Variants in TBC1D31 observed in about 807,000 individuals in gnomAD.
TBC1D31 encodes WD repeat domain 67.
TBC1D31 carries 99 observed loss-of-function variants against 132.9 expected under a neutral mutation model. That is an observed-to-expected ratio of 0.74 (90% CI 0.63 to 0.88). The LOEUF (loss-of-function observed/expected upper bound fraction) is 0.88, where lower values mean the gene tolerates loss of function less well. Among genes scored for constraint, TBC1D31 ranks in the 40% least tolerant of loss-of-function variants. TBC1D31 has a pLI of 0.00. For missense variants in TBC1D31, 1,134 were observed against 1,256.6 expected (o/e 0.90, Z 1.48); for synonymous variants, 385 against 419.4 (o/e 0.92, Z 1.00).
At chr8:123,103,424 C>G (rs1232679599) in intron 7 of TBC1D31, 1 of 134,836 alleles carries the variant, frequency 7.4e-6, no homozygotes, top group Non-Finnish European at 1.6e-5. Context: ...GCTAAACCTT[C>G]TTTTCTTTTT....
chr8:123,122,222 T>G (rs943302888), intron 11 of TBC1D31, among the ~76,000 whole-genome samples: 6 of 152,134 alleles, frequency 3.9e-5, no homozygotes, highest in Non-Finnish European at 5.9e-5. Flanking sequence ...AACTGAGACT[T>G]AGACAGATAC....
In TBC1D31 at chr8:123,082,833, A is replaced by G. The variant is rs1315934431; in HGVS notation, c.340+16A>G. On this transcript the variant is annotated intron_variant, in intron 3 of 21. Transcript: ENST00000287380. Reference sequence around the variant, plus strand: ...TTTGATACAGGTAAGAAGTTCTCCTATTTTTCTTTTGAAGCAGAGTAAAAT... The same window carrying G: ...TTTGATACAGGTAAGAAGTTCTCCTGTTTTTCTTTTGAAGCAGAGTAAAAT... 5.1e-6 allele frequency: 8 copies of G among 1,557,848 alleles called. No homozygotes were observed. The highest frequency in any genetic ancestry group is 4.4e-6 in the Non-Finnish European group (5 of 1,132,318).
At chr8:123,130,452 T>TTTAA (rs1820507671) in intron 16 of TBC1D31, 119 bp downstream of exon 16, 1 of 846,178 alleles carries the variant, frequency 1.2e-6, no homozygotes, top group Non-Finnish European at 1.7e-6. Context: ...AAATAGCCGC[T>TTTAA]TTAATTTTAT....
Position 123,082,767 on chromosome 8 carries a change from C to T in TBC1D31, c.290C>T (p.Ser97Phe). 1 of 1,613,428 alleles carries T rather than the reference C, an allele frequency of 6.2e-7. No homozygotes were observed. Among genetic ancestry groups the T allele is most frequent in the South Asian group, 1.1e-5 (1 of 91,086 alleles). Reference protein sequence around the residue: ...TALAFNLRRKSEFLVALADYS... With the variant: ...TALAFNLRRKFEFLVALADYS... Reference sequence around the variant, plus strand: ...CTGGCCTTTAATCTTCGTAGGAAATCTGAATTCCTTGTGGCATTAGCTGAT... The same window carrying T: ...CTGGCCTTTAATCTTCGTAGGAAATTTGAATTCCTTGTGGCATTAGCTGAT... Residue 97 changes from serine to phenylalanine, a missense_variant, in exon 3 of 22, where the codon TCT (serine) becomes TTT (phenylalanine). By Grantham distance (155) the Ser-to-Phe change is radical. Transcript: ENST00000287380.
chr8:123,161,279 G>A, the TBC1D31 span, among the ~76,000 whole-genome samples: 1 of 152,196 alleles, frequency 6.6e-6, no homozygotes, highest in South Asian at 2.1e-4. Context: ...CGTCAGCCGG[G>A]TCGGAGGTCA....
intron 16 of TBC1D31, among the ~76,000 whole-genome samples, chr8:123,131,116 C>A (rs1361294640): frequency 6.6e-6 from 1 of 151,522 alleles, no homozygotes; most frequent in African/African-American, 2.4e-5. Flanking sequence ...GTAATCCCAG[C>A]ACTTTGGGAG....
chr8:123,100,587 T>TAAG (rs1817299333), intron 6 of TBC1D31, among the ~76,000 whole-genome samples: 1 of 150,436 alleles, frequency 6.6e-6, no homozygotes, highest in African/African-American at 2.4e-5. Flanking sequence ...AAAACAATAA[T>TAAG]AATAATAATA....
chr8:123,162,319 T>C, the TBC1D31 span, among the ~76,000 whole-genome samples: 1 of 152,106 alleles, frequency 6.6e-6, no homozygotes, highest in Non-Finnish European at 1.5e-5. Context: ...TGTGTGTGTG[T>C]GTATGTGTGT....
intron 17 of TBC1D31, among the ~76,000 whole-genome samples, chr8:123,135,737 A>C (rs1214636067): frequency 6.6e-6 from 1 of 152,230 alleles, no homozygotes; most frequent in African/African-American, 2.4e-5. Flanking sequence ...AAGTCTCCAC[A>C]CTGAATTTCT....
rs1270723724 is a variant in TBC1D31, at chr8:123,140,912, G to A, written c.2640+11G>A. The A allele has an allele frequency of 3.7e-6, 6 of 1,612,272 alleles. No homozygotes were observed. Among genetic ancestry groups the A allele is most frequent in the Non-Finnish European group, 5.1e-6 (6 of 1,179,338 alleles). ...CAGAAAACTCAGAAGGTAAAAATATGATCCATTTAGTATACATGCAGAGGA... is the reference window on the plus strand; with the variant it reads ...CAGAAAACTCAGAAGGTAAAAATATAATCCATTTAGTATACATGCAGAGGA... On this transcript the variant is annotated intron_variant, in intron 18 of 21. Transcript: ENST00000287380.
At position 123,130,334 on chromosome 8, in the gene TBC1D31, G is replaced by T. The variant is rs1396287618; in HGVS notation, c.2406+1G>T. On this transcript the variant is annotated splice_donor_variant, in intron 16 of 21. Coordinates refer to ENST00000287380, the MANE Select transcript of TBC1D31 (RefSeq NM_145647.4). LOFTEE classifies it high-confidence loss of function. ...ACTGGATGATGAAATTGGGAGAAAG[G>T]TTTATTATTCTTAACTTAGTTCTCA... 3 of 1,607,760 alleles carry T rather than the reference G, an allele frequency of 1.9e-6. No individual in the cohort carries two copies. Among genetic ancestry groups the T allele is most frequent in the Non-Finnish European group, 8.5e-7 (1 of 1,177,102 alleles).
At chr8:123,074,523 C>A (rs1359769524) in intron 1 of TBC1D31, among the ~76,000 whole-genome samples, 1 of 152,202 alleles carries the variant, frequency 6.6e-6, no homozygotes, top group Non-Finnish European at 1.5e-5. Context: ...ATACCACTCC[C>A]ACCTCTGGTA....
At chr8:123,117,497 G>A (rs1197655427) in intron 10 of TBC1D31, among the ~76,000 whole-genome samples, 1 of 151,662 alleles carries the variant, frequency 6.6e-6, no homozygotes, top group Non-Finnish European at 1.5e-5. Context: ...GCTCACGCCT[G>A]TAATCCCAGC....
At chr8:123,154,953 C>T (rs1228331701), downstream of TBC1D31, among the ~76,000 whole-genome samples, 1 of 152,166 alleles carries the variant, frequency 6.6e-6, no homozygotes, top group Non-Finnish European at 1.5e-5. Context: ...CAGCATCATG[C>T]GCATTGTAAG....
intron 10 of TBC1D31, among the ~76,000 whole-genome samples, chr8:123,116,289 A>C (rs1202783639): frequency 1.3e-5 from 2 of 152,168 alleles, no homozygotes; most frequent in Non-Finnish European, 2.9e-5. Flanking sequence ...TTCTGCTTGA[A>C]CTAAAGATTT....
At chr8:123,078,344 A>G (rs1365565499) in intron 2 of TBC1D31, among the ~76,000 whole-genome samples, 1 of 152,200 alleles carries the variant, frequency 6.6e-6, no homozygotes, top group Non-Finnish European at 1.5e-5. Flanking sequence ...TGGAGGGCAG[A>G]AAACTAGAAT....
At chr8:123,105,489 T>C in intron 8 of TBC1D31, 25 bp downstream of exon 8, 1 of 1,586,312 alleles carries the variant, frequency 6.3e-7, no homozygotes, top group East Asian at 2.3e-5. Context: ...TAATTAAACT[T>C]TGTCATGATT....
chr8:123,140,988 T>C, intron 18 of TBC1D31, 87 bp downstream of exon 18: 1 of 1,264,394 alleles, frequency 7.9e-7, no homozygotes, highest in Non-Finnish European at 1.1e-6. Context: ...AATTAAACTC[T>C]GTGAAGTTGA....
chr8:123,098,885 G>C (rs1377864631), intron 6 of TBC1D31, among the ~76,000 whole-genome samples: 1 of 152,158 alleles, frequency 6.6e-6, no homozygotes, highest in Non-Finnish European at 1.5e-5. Flanking sequence ...ATCAACTGCA[G>C]ATGAGGGGCT....
Sources: allele counts gnomAD v4.1 joint callset (sites outside exome capture counted in the v4.1 genomes callset), GRCh38; gene constraint gnomAD v4.1.1; transcripts MANE v1.5; gene names NCBI Gene and HGNC (gene_info 2026-07-23, HGNC 2026-07-21).